MIEN1: variants seen among roughly 807,000 people sequenced by gnomAD.
The protein encoded by MIEN1 is migration and invasion enhancer 1.
A neutral mutation model predicts 15.5 loss-of-function variants in MIEN1; 12 were observed. The observed-to-expected ratio is 0.78, with a 90% CI of 0.50 to 1.26. The LOEUF (loss-of-function observed/expected upper bound fraction) is 1.26, where lower values mean the gene tolerates loss of function less well. MIEN1 is among the 50% of genes most tolerant of loss of function. MIEN1 has a pLI of 0.00. For missense variants in MIEN1, 160 were observed against 151.7 expected (o/e 1.05, Z -0.29); for synonymous variants, 63 against 62.8 (o/e 1.00, Z -0.02).
rs2059934141 is a variant in MIEN1 at position 39,730,524 on chromosome 17, TC to T, written c.-30del. On this transcript the variant is annotated 5_prime_UTR_variant, in exon 1 of 4. Coordinates refer to ENST00000394231, the MANE Select transcript of MIEN1 (RefSeq NM_032339.5). ...GGCCGGCTCCGCTCGGGCCCCTGCT[TC>T]CGGGTGTGACGCGAACCGCGGGCAC... 1 of 1,517,384 alleles carries T rather than the reference TC, an allele frequency of 6.6e-7. No homozygotes were observed. Among genetic ancestry groups the T allele is most frequent in the African/African-American group, 1.4e-5 (1 of 70,088 alleles). 94.0% of individuals were successfully genotyped at this position (1,517,384 alleles called of 1,614,324 possible). A position where few individuals can be genotyped will look rare whatever the true frequency, so the allele number is the denominator to read the frequency against.
rs2143345057 is a variant in MIEN1 at position 39,728,757 on chromosome 17, T to C, written c.*765A>G. The C allele has an allele frequency of 4.6e-6, 1 of 215,282 alleles. No individual in the cohort carries two copies. The highest frequency in any genetic ancestry group is 9.4e-6 in the Non-Finnish European group (1 of 106,668). 13.3% of individuals were successfully genotyped at this position (215,282 alleles called of 1,614,324 possible). A position where few individuals can be genotyped will look rare whatever the true frequency, so the allele number is the denominator to read the frequency against. On this transcript the variant is annotated 3_prime_UTR_variant, in exon 4 of 4. Transcript: ENST00000394231. ...TTCCTGGAGGGAGTGGCTGGGAATC[T>C]TCAGAAAGCTTGGATGAGGAGCCAG...
At position 39,730,463 on chromosome 17, in the gene MIEN1, C is replaced by G; in HGVS notation, c.33G>C (p.Ala11=). The G allele has an allele frequency of 6.5e-7, 1 of 1,544,078 alleles. No individual in the cohort carries two copies. Among genetic ancestry groups the G allele is most frequent in the Non-Finnish European group, 8.7e-7 (1 of 1,146,820 alleles). The change falls in exon 1 of 4, where the codon GCG becomes GCC. Residue 11 remains alanine (A), a synonymous_variant. Coordinates refer to ENST00000394231, the MANE Select transcript of MIEN1 (RefSeq NM_032339.5). ...CCGGCTCGACCTCCTCGGGAGGGGG[C>G]GCTACGGACGTCTGCCCCGGCTCCC... The part of the protein sequence containing the change: MSGEPGQTSV[A]PPPEEVEPGS...
rs1419463471 is a variant in MIEN1, at chr17:39,729,346, C to T, written c.*176G>A. On this transcript the variant is annotated 3_prime_UTR_variant, in exon 4 of 4. Transcript: ENST00000394231. ...TTCATGGAGAGTGTCTCTCTCCTGC[C>T]CCCAAGGCCACGGAATCTTCTATTC... 1 of 742,102 alleles carries T rather than the reference C, an allele frequency of 1.3e-6. No homozygotes were observed. Among genetic ancestry groups the T allele is most frequent in the Admixed American group, 2.7e-5 (1 of 36,920 alleles). 46.0% of individuals were successfully genotyped at this position (742,102 alleles called of 1,614,324 possible).
chr17:39,728,519 T>C lies in MIEN1; in HGVS notation c.*1003A>G, dbSNP rs2059898432. 8.4e-6 allele frequency: 2 copies of C among 237,578 alleles called. No individual in the cohort carries two copies. The highest frequency in any genetic ancestry group is 2.2e-5 in the African/African-American group (1 of 45,518). The allele number at this position is 237,578 out of a possible 1,614,324, so 14.7% of individuals were successfully genotyped here. ...GCTTTGTACAGAGTGCTTTTCTGTT[T>C]AGTTTTTACTTTTTTTGTTTTGTTT... On this transcript the variant is annotated 3_prime_UTR_variant, in exon 4 of 4. Coordinates refer to ENST00000394231, the MANE Select transcript of MIEN1 (RefSeq NM_032339.5).
chr17:39,730,404 C>CG lies in MIEN1; in HGVS notation c.89+2_89+3insC. On this transcript the variant is annotated splice_region_variant and intron_variant, in intron 1 of 3. Transcript: ENST00000394231. The stretch of plus-strand genomic sequence containing the variant: ...TGCGGGTCCTCCAGCCGGGGCCGCT[C>CG]ACCAGTACTCCACCACGATGCGGAC... 1.3e-6 allele frequency: 2 copies of CG among 1,553,792 alleles called. No homozygotes were observed. The highest frequency in any genetic ancestry group is 3.9e-5 in the Admixed American group (2 of 51,326).
At position 39,728,729 on chromosome 17, in the gene MIEN1, CTT is replaced by C. The variant is rs1251047882; in HGVS notation, c.*791_*792del. The C allele has an allele frequency of 4.5e-6, 1 of 221,666 alleles. No homozygotes were observed. Among genetic ancestry groups the C allele is most frequent in the African/African-American group, 2.2e-5 (1 of 44,624 alleles). 13.7% of individuals were successfully genotyped at this position (221,666 alleles called of 1,614,324 possible). On this transcript the variant is annotated 3_prime_UTR_variant, in exon 4 of 4. Transcript: ENST00000394231. ...CCTGCTCACCTTACACTCAATTCCT[CTT>C]TTCCTGGAGGGAGTGGCTGGGAATC...
At position 39,730,436 on chromosome 17, in the gene MIEN1, G is replaced by A; in HGVS notation, c.60C>T (p.Gly20=). The A allele has an allele frequency of 6.4e-7, 1 of 1,551,856 alleles. No homozygotes were observed. Among genetic ancestry groups the A allele is most frequent in the Non-Finnish European group, 8.7e-7 (1 of 1,149,250 alleles). ...ACTCCACCACGATGCGGACCCCACT[G>A]CCCGGCTCGACCTCCTCGGGAGGGG... ...VAPPPEEVEP[G]SGVRIVVEYC... The change falls in exon 1 of 4, where the codon GGC becomes GGT. Residue 20 remains glycine (G), a synonymous_variant. Transcript: ENST00000394231.
rs2059902628 is a variant in MIEN1 at position 39,728,603 on chromosome 17, T to G, written c.*919A>C. The G allele has an allele frequency of 4.3e-6, 1 of 233,312 alleles. No homozygotes were observed. Among genetic ancestry groups the G allele is most frequent in the African/African-American group, 2.2e-5 (1 of 45,302 alleles). 14.5% of individuals were successfully genotyped at this position (233,312 alleles called of 1,614,324 possible). On this transcript the variant is annotated 3_prime_UTR_variant, in exon 4 of 4. Coordinates refer to ENST00000394231, the MANE Select transcript of MIEN1 (RefSeq NM_032339.5). ...TGGGTGTTGTATGGGGAGGCAAGTG[T>G]GGGGGGTCCTTCTCCACACCCACTT...
chr17:39,729,937 G>A (rs768269199), intron 2 of MIEN1, 176 bp from the exon 3 acceptor site: 8 of 789,736 alleles, frequency 1.0e-5, no homozygotes, highest in African/African-American at 8.7e-5. Context: ...GGGAGGCCTC[G>A]CCTGTGTGCC....
Position 39,728,967 on chromosome 17 carries a change from AG to A in MIEN1, c.*554del, listed in dbSNP as rs200752549. ...GGGTAGGGTGGGGGAAAGACGAGGC[AG>A]GGTCTACTGTGGGACTCATTTTCCT... On this transcript the variant is annotated 3_prime_UTR_variant, in exon 4 of 4. Transcript: ENST00000394231. The A allele has an allele frequency of 7.8e-3, 1,320 of 170,128 alleles. 22 individuals carry two copies. Among genetic ancestry groups the A allele is most frequent in the African/African-American group, 0.03 (1,241 of 42,032 alleles). The allele number at this position is 170,128 out of a possible 1,614,324, so 10.5% of individuals were successfully genotyped here. A position where few individuals can be genotyped will look rare whatever the true frequency, so the allele number is the denominator to read the frequency against.
At chr17:39,729,979 CT>C (rs1332683005) in intron 2 of MIEN1, 1 of 699,956 alleles carries the variant, frequency 1.4e-6, no homozygotes, top group East Asian at 2.7e-5. Flanking sequence ...ACTCCCTCCC[CT>C]CCAACCCTAC....
In MIEN1 at chr17:39,729,698, G is replaced by A. The variant is rs766809283; in HGVS notation, c.251C>T (p.Pro84Leu). Residue 84 changes from proline (P) to leucine (L), a missense_variant, in exon 3 of 4, where the codon CCC (proline) becomes CTC (leucine). Coordinates refer to ENST00000394231, the MANE Select transcript of MIEN1 (RefSeq NM_032339.5). ...VFSKLENGGFPYEKDLIEAIR... is the reference protein window; with the variant it reads ...VFSKLENGGFLYEKDLIEAIR... ...GTAAATACTCACATCTTTCTCATAG[G>A]GAAAGCCCCCATTCTCCAGCTTGGA... The A allele has an allele frequency of 2.5e-6, 4 of 1,614,076 alleles. No homozygotes were observed. The highest frequency in any genetic ancestry group is 3.4e-6 in the Non-Finnish European group (4 of 1,179,962).
chr17:39,730,346 G>A (rs1028655063), intron 1 of MIEN1, 55 bp from the exon 2 acceptor site: 39 of 1,563,026 alleles, frequency 2.5e-5, no homozygotes, highest in Non-Finnish European at 3.3e-5. Flanking sequence ...GGCCTCCCGT[G>A]GACCCACCTC....
intron 1 of MIEN1, 31 bp downstream of exon 1, chr17:39,730,376 G>A: frequency 6.4e-7 from 1 of 1,554,534 alleles, no homozygotes; most frequent in Non-Finnish European, 8.7e-7. Context: ...CGCGGGACCA[G>A]GGTGCGGGTC....
In MIEN1 at chr17:39,728,657, CAGCT is replaced by C. The variant is rs2059905399; in HGVS notation, c.*861_*864del. 4.3e-6 allele frequency: 1 copy of C among 232,478 alleles called. No individual in the cohort carries two copies. The highest frequency in any genetic ancestry group is 8.5e-6 in the Non-Finnish European group (1 of 117,552). The allele number at this position is 232,478 out of a possible 1,614,324, so 14.4% of individuals were successfully genotyped here. On this transcript the variant is annotated 3_prime_UTR_variant, in exon 4 of 4. Transcript: ENST00000394231. ...CCATTTGCAAATATATTTTGGAAAACAGCTAGGCACCGGCCTATGTCTGGGGGTG... is the reference window on the plus strand; with the variant it reads ...CCATTTGCAAATATATTTTGGAAAACAGGCACCGGCCTATGTCTGGGGGTG...
At chr17:39,729,790 C>T (rs1464823680) in intron 2 of MIEN1, 29 bp from the exon 3 acceptor site, 1 of 1,613,866 alleles carries the variant, frequency 6.2e-7, no homozygotes, top group Admixed American at 1.7e-5. Flanking sequence ...ATAAATGGTA[C>T]ACTGAGAACA....
At chr17:39,729,803 G>A (rs1422720010) in intron 2 of MIEN1, 42 bp from the exon 3 acceptor site, 2 of 1,612,968 alleles carry the variant, frequency 1.2e-6, no homozygotes. Flanking sequence ...TGAGAACATA[G>A]GCAGAAGTCA....
At position 39,730,483 on chromosome 17, in the gene MIEN1, G is replaced by C; in HGVS notation, c.13C>G (p.Pro5Ala). Residue 5 changes from proline (P) to alanine (A), a missense_variant, in exon 1 of 4, where the codon CCG becomes GCG. Transcript: ENST00000394231. MSGE[P>A]GQTSVAPPPE... The stretch of plus-strand genomic sequence containing the variant: ...GGGGGCGCTACGGACGTCTGCCCCG[G>C]CTCCCCGCTCATCGCGGCCGGCTCC... 1 of 1,535,290 alleles carries C rather than the reference G, an allele frequency of 6.5e-7. No homozygotes were observed. The highest frequency in any genetic ancestry group is 8.7e-7 in the Non-Finnish European group (1 of 1,144,224).
chr17:39,730,097 G>A, intron 2 of MIEN1, 97 bp downstream of exon 2: 1 of 1,178,588 alleles, frequency 8.5e-7, no homozygotes, highest in Non-Finnish European at 1.2e-6. Context: ...CAGGCACTGC[G>A]GGCACTTTAC....
Sources: allele counts gnomAD v4.1 joint callset, GRCh38; gene constraint gnomAD v4.1.1; transcripts MANE v1.5; gene names NCBI Gene and HGNC (gene_info 2026-07-23, HGNC 2026-07-21).